KCNQ5: variants seen among roughly 807,000 people sequenced by gnomAD.
The protein encoded by KCNQ5 is potassium voltage-gated channel subfamily KQT member 5.
Under a neutral mutation model 98.2 loss-of-function variants are expected in KCNQ5, and 30 were observed. The observed-to-expected ratio is 0.31, with a 90% confidence interval of 0.23 to 0.41. KCNQ5 has a LOEUF of 0.41. Ranked by LOEUF, KCNQ5 falls within the 10% of genes least tolerant of loss-of-function variation. The probability of loss-of-function intolerance (pLI) is 1.00; values close to 1 mark genes in which losing one functional copy is unlikely to be tolerated. For synonymous variants in KCNQ5, 458 were observed against 449.4 expected, an observed-to-expected ratio of 1.02 and a Z score of -0.24; for missense variants, 835 against 1,182.5, an observed-to-expected ratio of 0.71 and a Z score of 4.31.
At chr6:72,782,651 C>G (rs982480333) in intron 1 of KCNQ5, among the ~76,000 whole-genome samples, 8 of 152,120 alleles carry the variant, frequency 5.3e-5, no homozygotes, top group African/African-American at 1.9e-4. Flanking sequence ...GTCCCCTTGT[C>G]CCTTTGTGTC....
At chr6:73,141,119 C>T (rs1776687823) in intron 10 of KCNQ5, among the ~76,000 whole-genome samples, 1 of 152,188 alleles carries the variant, frequency 6.6e-6, no homozygotes, top group African/African-American at 2.4e-5. Context: ...TTACTTCTCA[C>T]AGTTCTGGAA....
At chr6:72,688,510 C>T (rs373238955) in intron 1 of KCNQ5, among the ~76,000 whole-genome samples, 4 of 152,072 alleles carry the variant, frequency 2.6e-5, no homozygotes, top group Non-Finnish European at 4.4e-5. Context: ...ATGGAGTTCC[C>T]GCTTGTAAAT....
At chr6:72,639,273 C>A (rs1005186105) in intron 1 of KCNQ5, among the ~76,000 whole-genome samples, 2 of 152,044 alleles carry the variant, frequency 1.3e-5, no homozygotes, top group African/African-American at 4.8e-5. Context: ...CAAAGGATTG[C>A]AATGGGATAA....
chr6:73,131,932 G>T (rs1776256466), intron 9 of KCNQ5, among the ~76,000 whole-genome samples: 1 of 152,182 alleles, frequency 6.6e-6, no homozygotes, highest in Admixed American at 6.5e-5. Flanking sequence ...GAGGGGAGCT[G>T]TCAGTTGCAT....
chr6:73,067,905 T>TATAA (rs1434085616), intron 3 of KCNQ5, among the ~76,000 whole-genome samples: 10 of 15,602 alleles, frequency 6.4e-4, no homozygotes, highest in African/African-American at 2.3e-3. Context: ...TATATATATA[T>TATAA]AACTAAAATT....
chr6:72,987,531 C>T, intron 1 of KCNQ5: 2 of 661,284 alleles, frequency 3.0e-6, no homozygotes, highest in Non-Finnish European at 2.8e-6. Context: ...CCGCCACCCC[C>T]TCCAAGCCCC....
intron 10 of KCNQ5, among the ~76,000 whole-genome samples, chr6:73,167,379 G>A (rs967461757): frequency 2.6e-5 from 4 of 152,290 alleles, no homozygotes; most frequent in South Asian, 2.1e-4. Flanking sequence ...CCCCAAACTC[G>A]TTCTGATACT....
intron 1 of KCNQ5, among the ~76,000 whole-genome samples, chr6:72,860,036 A>G (rs1027117285): frequency 4.6e-5 from 7 of 152,026 alleles, no homozygotes; most frequent in Non-Finnish European, 1.0e-4. Context: ...TCTTTATGTA[A>G]GATACTAGGC....
intron 1 of KCNQ5, among the ~76,000 whole-genome samples, chr6:72,782,464 C>G (rs886897477): frequency 6.6e-6 from 1 of 152,186 alleles, no homozygotes; most frequent in East Asian, 1.9e-4. Flanking sequence ...TCCAGAAACA[C>G]AAATGCCGTA....
chr6:73,105,217 C>T lies in KCNQ5; in HGVS notation c.919-40C>T, dbSNP rs779194264. 20 of 1,205,878 alleles carry T rather than the reference C, an allele frequency of 1.7e-5. No homozygotes were observed. In the Admixed American group the frequency reaches 2.0e-4, roughly 12 times the overall value. The allele number at this position is 1,205,878 out of a possible 1,614,324, so 74.7% of individuals were successfully genotyped here. ...TGTTCATAGGTCCTAACTTTCCTCT[C>T]AAGTACTTAAGCTGCACATTCTATT... On this transcript the variant is annotated intron_variant, in intron 5 of 13. Coordinates refer to ENST00000370398, the MANE Select transcript of KCNQ5 (RefSeq NM_019842.4).
intron 1 of KCNQ5, among the ~76,000 whole-genome samples, chr6:72,734,446 C>T (rs1318739070): frequency 6.6e-6 from 1 of 152,006 alleles, no homozygotes; most frequent in Non-Finnish European, 1.5e-5. Context: ...CTCAGCCTCC[C>T]GAGTAGCTGG....
Position 73,077,429 on chromosome 6 carries a change from A to G in KCNQ5, c.724A>G (p.Met242Val). Residue 242 changes from methionine (M) to valine (V), a missense_variant, in exon 4 of 14, where the codon ATG becomes GTG. Physicochemically the swap from Met to Val is conservative, Grantham distance 21 (BLOSUM62 1). Around this residue, in one of 10 missense-constraint regions of KCNQ5, gnomAD observed 48 missense variants for 112.1 expected, o/e 0.43. Coordinates refer to ENST00000370398, the MANE Select transcript of KCNQ5 (RefSeq NM_019842.4). ...RSLRFLQILR[M>V]VRMDRRGGTW... ...TCTCCGTTTCCTACAGATCCTCCGC[A>G]TGGTGCGCATGGACCGAAGGGGAGG... 6.2e-7 allele frequency: 1 copy of G among 1,614,184 alleles called. No homozygotes were observed.
intron 2 of KCNQ5, among the ~76,000 whole-genome samples, chr6:73,004,247 A>G (rs1769721161): frequency 6.6e-6 from 1 of 152,240 alleles, no homozygotes; most frequent in Non-Finnish European, 1.5e-5. Context: ...TCATAAATAG[A>G]AGGCAATATT....
At chr6:73,190,312 G>A (rs949379325) in intron 11 of KCNQ5, among the ~76,000 whole-genome samples, 3 of 152,096 alleles carry the variant, frequency 2.0e-5, no homozygotes, top group African/African-American at 7.2e-5. Context: ...GGGTTTCAAC[G>A]GACATTAAAA....
chr6:72,696,765 G>C (rs868370758), intron 1 of KCNQ5, among the ~76,000 whole-genome samples: 1 of 151,968 alleles, frequency 6.6e-6, no homozygotes, highest in South Asian at 2.1e-4. Context: ...CCTTTGCATA[G>C]GAACACTCCC....
At chr6:73,185,537 G>T (rs1562225097) in intron 11 of KCNQ5, among the ~76,000 whole-genome samples, 3 of 152,172 alleles carry the variant, frequency 2.0e-5, no homozygotes, top group Non-Finnish European at 4.4e-5. Flanking sequence ...TCAGGAAAAA[G>T]AAATAGCAAA....
chr6:73,060,075 T>C (rs940177054), intron 3 of KCNQ5, among the ~76,000 whole-genome samples: 2 of 152,060 alleles, frequency 1.3e-5, no homozygotes, highest in African/African-American at 2.4e-5. Flanking sequence ...TGGTGCTTTA[T>C]AGAGAGTTGG....
At chr6:72,805,240 C>T (rs1774890490) in intron 1 of KCNQ5, among the ~76,000 whole-genome samples, 1 of 152,070 alleles carries the variant, frequency 6.6e-6, no homozygotes, top group Non-Finnish European at 1.5e-5. Flanking sequence ...AATCTTTGCC[C>T]ACTCCAATGT....
chr6:73,054,945 A>C (rs1422703836), intron 3 of KCNQ5, among the ~76,000 whole-genome samples: 1 of 152,164 alleles, frequency 6.6e-6, no homozygotes, highest in Non-Finnish European at 1.5e-5. Flanking sequence ...AAAACCCCAT[A>C]ATCTCTGCTC....
Sources: allele counts gnomAD v4.1 joint callset (sites outside exome capture counted in the v4.1 genomes callset), GRCh38; gene constraint gnomAD v4.1.1; regional missense constraint gnomAD v4.1.1; transcripts MANE v1.5; gene names NCBI Gene and HGNC (gene_info 2026-07-23, HGNC 2026-07-21).